Variants in AGAP1 observed in about 807,000 individuals in gnomAD.
AGAP1 encodes the protein ArfGAP with GTPase domain, ankyrin repeat and PH domain 1.
AGAP1 carries 29 observed loss-of-function variants against 105.3 expected under a neutral mutation model. The ratio of observed to expected loss-of-function variants is 0.28; its 90% confidence interval spans 0.21 to 0.38. The LOEUF is 0.38. AGAP1 is among the 10% of genes least tolerant of loss of function. The probability of loss-of-function intolerance (pLI) is 1.00; values close to 1 mark genes in which losing one functional copy is unlikely to be tolerated. For synonymous variants in AGAP1, 509 were observed against 485.9 expected (o/e 1.05, Z -0.63); for missense variants, 998 against 1,165.1 (o/e 0.86, Z 2.09).
chr2:235,856,427 C>T (rs1230099236), intron 9 of AGAP1, among the ~76,000 whole-genome samples: 2 of 152,200 alleles, frequency 1.3e-5, no homozygotes. Context: ...AGCCTGAGTC[C>T]GATCCCTCTG....
At position 236,078,603 on chromosome 2, in the gene AGAP1, C is replaced by G. The variant is rs1304265473; in HGVS notation, c.2114+29322C>G. ...TTTTGCCTTTGAAAACGTAATCTCC[C>G]TAGATAAGTATTACCACTGAACCAC... On this transcript the variant is annotated intron_variant, in intron 16 of 17. Coordinates refer to ENST00000304032, the MANE Select transcript of AGAP1 (RefSeq NM_001037131.3). The surrounding 1 kb of genome is among the most constrained non-coding windows in gnomAD (Gnocchi z 5.3). 6.6e-6 allele frequency among the ~76,000 whole-genome samples: 1 copy of G among 152,126 alleles called. No homozygotes were observed. The highest frequency in any genetic ancestry group is 2.4e-5 in the African/African-American group (1 of 41,430).
At chr2:235,583,772 G>T (rs1025004172) in intron 1 of AGAP1, among the ~76,000 whole-genome samples, 3 of 151,680 alleles carry the variant, frequency 2.0e-5, no homozygotes, top group African/African-American at 7.3e-5. Flanking sequence ...AGCTACTCGG[G>T]AGGCTGAGGC....
rs2054292941 is a variant in AGAP1 at position 235,964,063 on chromosome 2, C to T, written c.1484-4399C>T. ...CGAGCACTGGTGGTTGCCCTGGGCA[C>T]AGGCATGCTAGTTAGATTGAGATAA... On this transcript the variant is annotated intron_variant, in intron 12 of 17. Transcript: ENST00000304032. This position sits in a 1 kb window ranked among gnomAD's most constrained non-coding sequence, Gnocchi z 4.6. Among the ~76,000 whole-genome samples, 1 of 152,182 alleles carries T rather than the reference C, an allele frequency of 6.6e-6. No homozygotes were observed. Among genetic ancestry groups the T allele is most frequent in the Admixed American group, 6.5e-5 (1 of 15,274 alleles).
intron 9 of AGAP1, among the ~76,000 whole-genome samples, chr2:235,858,049 G>A (rs1280257161): frequency 3.3e-5 from 5 of 152,196 alleles, no homozygotes; most frequent in East Asian, 3.9e-4. Flanking sequence ...TCACCACTTC[G>A]GGAGAATGTG....
rs112551052 is a variant in AGAP1 at position 235,587,148 on chromosome 2, T to A, written c.163+92299T>A. ...CCAAACAGAAACATGGTGGTGATAATAGACTCACGTTGATTTCACTTGTTA... is the reference window on the plus strand; with the variant it reads ...CCAAACAGAAACATGGTGGTGATAAAAGACTCACGTTGATTTCACTTGTTA... On this transcript the variant is annotated intron_variant, in intron 1 of 17. Transcript: ENST00000304032. Among the ~76,000 whole-genome samples, 101 of 152,320 alleles carry A rather than the reference T, an allele frequency of 6.6e-4. 1 individual carries two copies. The highest frequency in any genetic ancestry group is 2.0e-3 in the African/African-American group (82 of 41,584).
At chr2:235,597,709 C>T (rs113498413) in intron 1 of AGAP1, among the ~76,000 whole-genome samples, 64 of 152,064 alleles carry the variant, frequency 4.2e-4, no homozygotes, top group African/African-American at 1.3e-3. Flanking sequence ...AGCGTGCACG[C>T]GCTCCCGTGT....
At chr2:236,034,861 G>A (rs1310677747) in intron 13 of AGAP1, among the ~76,000 whole-genome samples, 3 of 152,228 alleles carry the variant, frequency 2.0e-5, no homozygotes, top group Admixed American at 6.5e-5. Flanking sequence ...GCTGGTGGAG[G>A]CCATGGGCCC....
At chr2:235,816,887 G>GAA (rs111757111) in intron 9 of AGAP1, among the ~76,000 whole-genome samples, 495 of 145,636 alleles carry the variant, frequency 3.4e-3, no homozygotes, top group Non-Finnish European at 5.7e-3. Context: ...TCAAAAAGAA[G>GAA]AAAAAAAAAA....
intron 1 of AGAP1, among the ~76,000 whole-genome samples, chr2:235,571,516 G>A (rs534897585): frequency 6.6e-6 from 1 of 152,326 alleles, no homozygotes. Context: ...TGTCACGGCT[G>A]AGAGGTTCTG....
chr2:235,952,016 A>G (rs78524949), intron 12 of AGAP1, among the ~76,000 whole-genome samples: 114 of 152,300 alleles, frequency 7.5e-4, no homozygotes, highest in African/African-American at 2.7e-3. Flanking sequence ...GTTGTTTAAT[A>G]GTGTAGTCAA....
rs1172920873 is a variant in AGAP1, at chr2:235,612,918, C to T, written c.164-96261C>T. Among the ~76,000 whole-genome samples, 3 of 152,154 alleles carry T rather than the reference C, an allele frequency of 2.0e-5. No homozygotes were observed. Among genetic ancestry groups the T allele is most frequent in the Non-Finnish European group, 4.4e-5 (3 of 68,024 alleles). ...TTTATCTCTCCAATGTGAGGCATCT[C>T]TGATGATGCCTAAGGATGTCCTTCT... On this transcript the variant is annotated intron_variant, in intron 1 of 17. Coordinates refer to ENST00000304032, the MANE Select transcript of AGAP1 (RefSeq NM_001037131.3). The surrounding 1 kb of genome is among the most constrained non-coding windows in gnomAD (Gnocchi z 4.3).
In AGAP1 at chr2:236,120,237, C is replaced by T. The variant is rs765490442; in HGVS notation, c.2160C>T (p.Leu720=). The T allele has an allele frequency of 3.7e-6, 6 of 1,613,374 alleles. No individual in the cohort carries two copies. The highest frequency in any genetic ancestry group is 5.1e-6 in the Non-Finnish European group (6 of 1,179,580). Residue 720 remains leucine, a synonymous_variant, in exon 17 of 18, where the codon CTC becomes CTT. Coordinates refer to ENST00000304032, the MANE Select transcript of AGAP1 (RefSeq NM_001037131.3). This position sits in a 1 kb window ranked among gnomAD's most constrained non-coding sequence, Gnocchi z 6.0. ...RWIRAKYEQK[L]FLAPLPCTEL... ...TCCGTGCCAAGTACGAGCAGAAGCT[C>T]TTCCTGGCCCCGCTGCCCTGCACGG... is the stretch of plus-strand genomic sequence containing the variant.
intron 1 of AGAP1, among the ~76,000 whole-genome samples, chr2:235,687,015 C>G (rs1949486928): frequency 6.6e-6 from 1 of 152,016 alleles, no homozygotes; most frequent in Admixed American, 6.6e-5. Context: ...CACCCACTCT[C>G]CATTCAACCC....
chr2:235,983,916 T>G lies in AGAP1; in HGVS notation c.1645+15293T>G, dbSNP rs1451090811. 6.6e-6 allele frequency among the ~76,000 whole-genome samples: 1 copy of G among 152,206 alleles called. No individual in the cohort carries two copies. Among genetic ancestry groups the G allele is most frequent in the African/African-American group, 2.4e-5 (1 of 41,444 alleles). On this transcript the variant is annotated intron_variant, in intron 13 of 17. Transcript: ENST00000304032. This position sits in a 1 kb window ranked among gnomAD's most constrained non-coding sequence, Gnocchi z 4.5. The stretch of plus-strand genomic sequence containing the variant: ...ACATGGCTGTATGTAACATAAAATT[T>G]GCCATTTTAATTGTTTTTAAGTGTT...
At chr2:235,598,348 T>C (rs139544173) in intron 1 of AGAP1, among the ~76,000 whole-genome samples, 2 of 152,354 alleles carry the variant, frequency 1.3e-5, no homozygotes, top group African/African-American at 2.4e-5. Flanking sequence ...TTTACATGTA[T>C]GTAAGCTCAC....
intron 1 of AGAP1, among the ~76,000 whole-genome samples, chr2:235,499,820 A>G (rs995268888): frequency 5.3e-5 from 8 of 152,164 alleles, no homozygotes; most frequent in Non-Finnish European, 8.8e-5. Flanking sequence ...GGCAGAAATC[A>G]GGGCTTGTTT....
At chr2:236,007,548 T>C (rs1482634826) in intron 13 of AGAP1, among the ~76,000 whole-genome samples, 1 of 152,242 alleles carries the variant, frequency 6.6e-6, no homozygotes, top group East Asian at 1.9e-4. Context: ...GATTAGTTGG[T>C]TGAACTGGCC....
rs201588306 is a variant in AGAP1 at position 235,732,518 on chromosome 2, TC to T, written c.311-8443del. ...GAGTGGGAAGCGGTTGTAAGGGACT[TC>T]CTTCTGCTTTTTGAGCTTTGTTTTC... On this transcript the variant is annotated intron_variant, in intron 3 of 17. Transcript: ENST00000304032. This position sits in a 1 kb window ranked among gnomAD's most constrained non-coding sequence, Gnocchi z 4.8. Among the ~76,000 whole-genome samples, 980 of 152,290 alleles carry T rather than the reference TC, an allele frequency of 6.4e-3. 9 individuals are homozygous for T. Among genetic ancestry groups the T allele is most frequent in the African/African-American group, 0.023 (939 of 41,564 alleles).
chr2:236,079,021 G>C (rs967148002), intron 16 of AGAP1, among the ~76,000 whole-genome samples: 16 of 145,576 alleles, frequency 1.1e-4, no homozygotes, highest in African/African-American at 3.8e-4. Context: ...CGGGGCTGGG[G>C]TGTAGGAGGT....
Sources: allele counts gnomAD v4.1 joint callset (sites outside exome capture counted in the v4.1 genomes callset), GRCh38; gene constraint gnomAD v4.1.1; non-coding constraint Gnocchi (gnomAD v3.1); transcripts MANE v1.5; gene names NCBI Gene and HGNC (gene_info 2026-07-23, HGNC 2026-07-21).